The following CCDC171 variants were observed in gnomAD, a reference collection of about 807,000 sequenced individuals.
CCDC171 encodes the protein coiled-coil domain-containing protein 171.
CCDC171 carries 177 observed loss-of-function variants against 168.2 expected under a neutral mutation model. That is an observed-to-expected ratio of 1.05 (90% CI 0.93 to 1.19). The LOEUF (loss-of-function observed/expected upper bound fraction) is 1.19. Among genes scored for constraint, CCDC171 ranks in the 50% most tolerant of loss-of-function variants. The pLI, the probability that CCDC171 is intolerant of heterozygous loss-of-function variation, is 0.00. For missense variants in CCDC171, 1,991 were observed against 1,539.0 expected (o/e 1.29, Z -4.91); for synonymous variants, 687 against 540.8 (o/e 1.27, Z -3.75).
intron 4 of CCDC171, among the ~76,000 whole-genome samples, chr9:15,585,145 G>C (rs530171711): frequency 1.1e-4 from 17 of 152,150 alleles, no homozygotes; most frequent in Non-Finnish European, 1.9e-4. Context: ...TTGTTAATGG[G>C]AGTGTAAAAT....
At chr9:15,560,418 G>A (rs551990736) in intron 1 of CCDC171, among the ~76,000 whole-genome samples, 16 of 152,142 alleles carry the variant, frequency 1.1e-4, no homozygotes, top group African/African-American at 3.9e-4. Flanking sequence ...TGGAGGCTTT[G>A]TTCATTTCTT....
intron 21 of CCDC171, among the ~76,000 whole-genome samples, chr9:15,785,866 T>C (rs1480934837): frequency 6.6e-6 from 1 of 152,046 alleles, no homozygotes; most frequent in African/African-American, 2.4e-5. Context: ...CTCTGTGAGG[T>C]AGGTACTATT....
chr9:15,647,873 A>G (rs200306771), intron 7 of CCDC171, among the ~76,000 whole-genome samples: 1 of 152,134 alleles, frequency 6.6e-6, no homozygotes, highest in African/African-American at 2.4e-5. Context: ...TAGAAAAAGA[A>G]GGAATCCTCC....
At chr9:16,039,300 G>A (rs1026885217), upstream of CCDC171, among the ~76,000 whole-genome samples, 1 of 152,154 alleles carries the variant, frequency 6.6e-6, no homozygotes, top group African/African-American at 2.4e-5. Context: ...TTCCAGCCTT[G>A]ACTCAGGGAG....
In CCDC171 at chr9:15,846,796, G is replaced by T. The variant is rs35526108; in HGVS notation, c.3362G>T (p.Arg1121Leu). Reference protein sequence around the residue: ...HLTQLEQDKRRLEENIHDAES... With the variant: ...HLTQLEQDKRLLEENIHDAES... ...ACCCAGCTGGAGCAGGACAAGCGTC[G>T]ACTGGAGGAGAACATCCATGATGCA... The change falls in exon 22 of 26, where the codon CGA becomes CTA. Residue 1121 changes from arginine to leucine, a missense_variant. Coordinates refer to ENST00000380701, the MANE Select transcript of CCDC171 (RefSeq NM_173550.4). The T allele has an allele frequency of 1.2e-6, 2 of 1,611,166 alleles. No homozygotes were observed.
At chr9:15,870,551 T>A (rs2061991240) in intron 23 of CCDC171, among the ~76,000 whole-genome samples, 1 of 151,888 alleles carries the variant, frequency 6.6e-6, no homozygotes, top group African/African-American at 2.4e-5. Flanking sequence ...ACTGTATACA[T>A]CTTCTTACAT....
At chr9:16,056,269 A>G (rs1265201499) in intron 1 of CCDC171, among the ~76,000 whole-genome samples, 2 of 152,200 alleles carry the variant, frequency 1.3e-5, no homozygotes, top group African/African-American at 4.8e-5. Context: ...GTGTTGCCCA[A>G]CGGAACTTTC....
chr9:15,595,200 A>AG (rs1477616747), intron 6 of CCDC171, among the ~76,000 whole-genome samples: 1 of 151,992 alleles, frequency 6.6e-6, no homozygotes, highest in Non-Finnish European at 1.5e-5. Context: ...CACAGCGTGC[A>AG]GGTTTGTTTC....
At chr9:15,574,800 T>C (rs2040507316) in intron 3 of CCDC171, among the ~76,000 whole-genome samples, 2 of 152,166 alleles carry the variant, frequency 1.3e-5, no homozygotes, top group Non-Finnish European at 2.9e-5. Context: ...GGAGTTTTAT[T>C]GTTGGAGGAT....
In CCDC171 at chr9:15,972,028, G is replaced by T; in HGVS notation, c.*192G>T. 1 of 516,110 alleles carries T rather than the reference G, an allele frequency of 1.9e-6. No individual in the cohort carries two copies. Among genetic ancestry groups the T allele is most frequent in the Non-Finnish European group, 3.4e-6 (1 of 294,362 alleles). 32.0% of individuals were successfully genotyped at this position (516,110 alleles called of 1,614,324 possible). A position where few individuals can be genotyped will look rare whatever the true frequency, so the allele number is the denominator to read the frequency against. ...AAATAGCCAACTTTTTTCTCTCCAA[G>T]TTTTATTTGTTATCACAGTTGCTCA... On this transcript the variant is annotated 3_prime_UTR_variant, in exon 26 of 26. Transcript: ENST00000380701.
chr9:15,970,072 C>A (rs376333454), intron 25 of CCDC171, among the ~76,000 whole-genome samples: 2 of 152,120 alleles, frequency 1.3e-5, no homozygotes, highest in Non-Finnish European at 2.9e-5. Context: ...TGTTTTCTAA[C>A]TTCCAGTATA....
chr9:15,644,889 G>A (rs924108955), intron 7 of CCDC171, among the ~76,000 whole-genome samples: 1 of 152,224 alleles, frequency 6.6e-6, no homozygotes, highest in Non-Finnish European at 1.5e-5. Context: ...GCTTTGAAGA[G>A]AGTAGTGGTT....
At chr9:15,858,028 TTATTTTTGAGGGGGAGTC>T (rs2061412600) in intron 23 of CCDC171, among the ~76,000 whole-genome samples, 3 of 151,960 alleles carry the variant, frequency 2.0e-5, no homozygotes, top group African/African-American at 7.3e-5. Context: ...TTTTTTATTT[TTATTTTTGAGGGGGAGTC>T]TTACTCTTTT....
At chr9:16,036,774 A>G (rs377745889) in intron 8 of CCDC171, among the ~76,000 whole-genome samples, 54 of 152,384 alleles carry the variant, frequency 3.5e-4, no homozygotes, top group African/African-American at 1.1e-3. Context: ...AATTTACACT[A>G]TAGATGTGGT....
intron 11 of CCDC171, among the ~76,000 whole-genome samples, chr9:15,710,021 A>G (rs1044541928): frequency 3.3e-5 from 5 of 152,192 alleles, no homozygotes; most frequent in African/African-American, 1.2e-4. Context: ...ATATATCTGT[A>G]TAATACAGAT....
the CCDC171 span, among the ~76,000 whole-genome samples, chr9:16,083,274 T>A: frequency 1.3e-5 from 2 of 152,178 alleles, no homozygotes; most frequent in Non-Finnish European, 2.9e-5. Context: ...TACACTGTTA[T>A]CCCTGCCTTA....
At chr9:15,789,373 A>G (rs2135558287) in intron 21 of CCDC171, among the ~76,000 whole-genome samples, 1 of 152,318 alleles carries the variant, frequency 6.6e-6, no homozygotes. Flanking sequence ...TCCTGGAAAT[A>G]GGAGATTAAG....
intron 9 of CCDC171, among the ~76,000 whole-genome samples, chr9:15,670,620 A>T (rs2049043638): frequency 6.6e-6 from 1 of 151,980 alleles, no homozygotes; most frequent in African/African-American, 2.4e-5. Context: ...CTTCTCCCAC[A>T]CCACAGACAC....
At chr9:15,637,230 TG>T (rs1199500642) in intron 7 of CCDC171, among the ~76,000 whole-genome samples, 1 of 152,144 alleles carries the variant, frequency 6.6e-6, no homozygotes, top group Non-Finnish European at 1.5e-5. Flanking sequence ...CACTCCAGCC[TG>T]GGCAACAGAG....
Sources: allele counts gnomAD v4.1 joint callset (sites outside exome capture counted in the v4.1 genomes callset), GRCh38; gene constraint gnomAD v4.1.1; transcripts MANE v1.5; gene names NCBI Gene and HGNC (gene_info 2026-07-23, HGNC 2026-07-21).